The following CEP350 variants were observed in gnomAD, a reference collection of about 807,000 sequenced individuals.
CEP350 encodes centrosomal protein 350.
A neutral mutation model predicts 331.8 loss-of-function variants in CEP350; 126 were observed. The observed-to-expected ratio is 0.38, with a 90% CI of 0.33 to 0.44. The LOEUF (loss-of-function observed/expected upper bound fraction) is 0.44, where lower values mean the gene tolerates loss of function less well. Ranked by LOEUF, CEP350 falls within the 20% of genes least tolerant of loss-of-function variation. The pLI, the probability that CEP350 is intolerant of heterozygous loss-of-function variation, is 1.00. For missense variants in CEP350, 3,406 were observed against 3,634.6 expected (o/e 0.94, Z 1.62); for synonymous variants, 1,200 against 1,259.5 (o/e 0.95, Z 1.00).
Position 180,014,477 on chromosome 1 carries a change from C to A in CEP350, c.2024C>A (p.Ser675Tyr). Residue 675 changes from serine to tyrosine, a missense_variant, in exon 10 of 38, where the codon TCT (serine) becomes TAT (tyrosine). This residue lies in a region of CEP350 where 1,857 missense variants were observed against 1,909.2 expected (regional missense o/e 0.97). Coordinates refer to ENST00000367607, the MANE Select transcript of CEP350 (RefSeq NM_014810.5). Reference sequence around the variant, plus strand: ...GAAAAGACCTTGCTTGAAGAGCCATCTCATCAACATGTTACGCAGGAAACA... The same window carrying A: ...GAAAAGACCTTGCTTGAAGAGCCATATCATCAACATGTTACGCAGGAAACA... ...LLEKTLLEEP[S>Y]HQHVTQETQA... is the part of the protein sequence containing the mutation. The A allele has an allele frequency of 6.2e-7, 1 of 1,608,250 alleles. No homozygotes were observed. The highest frequency in any genetic ancestry group is 8.5e-7 in the Non-Finnish European group (1 of 1,177,950).
intron 37 of CEP350, among the ~76,000 whole-genome samples, chr1:180,102,047 AG>A (rs1277666766): frequency 1.3e-5 from 2 of 151,822 alleles, no homozygotes; most frequent in East Asian, 3.9e-4. Flanking sequence ...CTCTCATGGG[AG>A]GGCCTTAAGA....
At chr1:180,037,577 CA>C (rs1310376284) in intron 17 of CEP350, among the ~76,000 whole-genome samples, 1 of 151,832 alleles carries the variant, frequency 6.6e-6, no homozygotes, top group African/African-American at 2.4e-5. Flanking sequence ...ACAACAGCAA[CA>C]AAAAAACCCC....
At chr1:180,017,464 C>A (rs981456376) in intron 11 of CEP350, among the ~76,000 whole-genome samples, 5 of 152,120 alleles carry the variant, frequency 3.3e-5, no homozygotes, top group Admixed American at 3.3e-4. Context: ...GTCAGACATA[C>A]CCTGCTATAT....
intron 29 of CEP350, among the ~76,000 whole-genome samples, 169 bp downstream of exon 29, chr1:180,078,843 A>G (rs928917205): frequency 1.3e-5 from 2 of 152,204 alleles, no homozygotes; most frequent in African/African-American, 4.8e-5. Flanking sequence ...AAATATATGA[A>G]TTTTGGCATT....
intron 27 of CEP350, among the ~76,000 whole-genome samples, chr1:180,074,207 A>G (rs528408319): frequency 6.6e-6 from 1 of 152,124 alleles, no homozygotes; most frequent in Non-Finnish European, 1.5e-5. Flanking sequence ...CCCACATTTT[A>G]TTTAGTTGTG....
intron 26 of CEP350, among the ~76,000 whole-genome samples, chr1:180,063,554 G>C (rs1167062346): frequency 6.6e-6 from 1 of 151,690 alleles, no homozygotes; most frequent in Admixed American, 6.6e-5. Context: ...TCAAACACCT[G>C]TAATCCCAAC....
At chr1:180,067,945 T>C (rs1658643985) in intron 27 of CEP350, among the ~76,000 whole-genome samples, 2 of 152,196 alleles carry the variant, frequency 1.3e-5, no homozygotes, top group Admixed American at 6.5e-5. Flanking sequence ...AACAAAATCA[T>C]TTGAACCTCT....
At chr1:180,017,536 A>G (rs1262822607) in intron 11 of CEP350, among the ~76,000 whole-genome samples, 1 of 152,170 alleles carries the variant, frequency 6.6e-6, no homozygotes, top group East Asian at 1.9e-4. Flanking sequence ...GTTATCCAAT[A>G]TTAAAAGCAA....
chr1:180,105,677 CAT>C (rs1249247194), intron 37 of CEP350, among the ~76,000 whole-genome samples: 2 of 152,092 alleles, frequency 1.3e-5, no homozygotes, highest in Non-Finnish European at 2.9e-5. Flanking sequence ...TGTGGTGTAT[CAT>C]ATTTATTGAT....
rs1180990197 is a variant in CEP350 at position 179,958,302 on chromosome 1, T to A, written c.-14+3160T>A. On this transcript the variant is annotated intron_variant, in intron 1 of 37. Coordinates refer to ENST00000367607, the MANE Select transcript of CEP350 (RefSeq NM_014810.5). Reference sequence around the variant, plus strand: ...CCTATCAAGATTAAAAGTATATATATTGTTTGATAGAATCATTTCCTGCTT... The same window carrying A: ...CCTATCAAGATTAAAAGTATATATAATGTTTGATAGAATCATTTCCTGCTT... 3.9e-5 allele frequency among the ~76,000 whole-genome samples: 6 copies of A among 152,258 alleles called. No homozygotes were observed. The East Asian group carries it at 1.2e-3, about 29-fold the overall frequency.
intron 14 of CEP350, among the ~76,000 whole-genome samples, chr1:180,030,346 CAT>C (rs763424907): frequency 9.7e-5 from 12 of 123,342 alleles, no homozygotes; most frequent in African/African-American, 3.5e-4. Flanking sequence ...TATATATAAA[CAT>C]AATATATATA....
At chr1:180,055,329 G>A (rs1171281258) in intron 25 of CEP350, among the ~76,000 whole-genome samples, 1 of 152,086 alleles carries the variant, frequency 6.6e-6, no homozygotes, top group Non-Finnish European at 1.5e-5. Flanking sequence ...AGGATTAAAT[G>A]AGGTAACATA....
intron 21 of CEP350, among the ~76,000 whole-genome samples, chr1:180,046,430 C>T (rs540409617): frequency 6.6e-6 from 1 of 152,214 alleles, no homozygotes; most frequent in Non-Finnish European, 1.5e-5. Context: ...GTTTATATGG[C>T]CAAATTATAT....
At position 179,955,134 on chromosome 1, in the gene CEP350, C is replaced by T; in HGVS notation, c.-22C>T. The stretch of plus-strand genomic sequence containing the variant: ...CCGTGGTAGCCGAGGGCGGAGGCGA[C>T]ACTCTCAGGTGAGCTCCTGTAGGAC... On this transcript the variant is annotated 5_prime_UTR_variant, in exon 1 of 38. Transcript: ENST00000367607. 6.8e-7 allele frequency: 1 copy of T among 1,465,502 alleles called. No individual in the cohort carries two copies. The allele number at this position is 1,465,502 out of a possible 1,614,324, so 90.8% of individuals were successfully genotyped here.
At chr1:179,987,859 T>G (rs999476609) in intron 3 of CEP350, among the ~76,000 whole-genome samples, 1 of 151,928 alleles carries the variant, frequency 6.6e-6, no homozygotes, top group African/African-American at 2.4e-5. Context: ...CCAGGGAGGT[T>G]GAGGCTTCGA....
intron 8 of CEP350, 101 bp from the exon 9 acceptor site, chr1:180,011,828 C>A: frequency 1.3e-6 from 1 of 752,752 alleles, no homozygotes; most frequent in Non-Finnish European, 2.1e-6. Context: ...TTGACCTTGA[C>A]AGATGAACAT....
At chr1:179,974,339 C>G (rs974992302) in intron 1 of CEP350, among the ~76,000 whole-genome samples, 4 of 152,168 alleles carry the variant, frequency 2.6e-5, no homozygotes, top group Non-Finnish European at 5.9e-5. Flanking sequence ...CTTGGCCTCC[C>G]AAAGTGCTGG....
intron 27 of CEP350, among the ~76,000 whole-genome samples, chr1:180,070,232 G>C (rs566794145): frequency 6.6e-6 from 1 of 152,210 alleles, no homozygotes; most frequent in East Asian, 1.9e-4. Context: ...CTTCTGTGAA[G>C]GTATTAAGAT....
At chr1:180,011,175 C>T (rs1654630293) in intron 8 of CEP350, among the ~76,000 whole-genome samples, 1 of 151,938 alleles carries the variant, frequency 6.6e-6, no homozygotes, top group Non-Finnish European at 1.5e-5. Context: ...TTAAATGTTA[C>T]TGTTTTGTAC....
Sources: gnomAD v4.1 joint callset for allele counts (sites outside exome capture counted in the v4.1 genomes callset) on GRCh38, gnomAD v4.1.1 for gene constraint, gnomAD v4.1.1 regional missense constraint, MANE v1.5 for transcripts, NCBI Gene and HGNC (gene_info 2026-07-23, HGNC 2026-07-21) for gene names.